SH3RF2: variants seen among roughly 807,000 people sequenced by gnomAD.
SH3RF2 encodes SH3 domain containing ring finger 2, also known as E3 ubiquitin-protein ligase SH3RF2.
In SH3RF2, 43 loss-of-function variants were observed where a neutral mutation model predicts 59.0. That is an observed-to-expected ratio of 0.73 (90% CI 0.57 to 0.94). SH3RF2 has a LOEUF of 0.94. SH3RF2 is among the 40% of genes least tolerant of loss of function. SH3RF2 has a pLI of 0.00. For synonymous variants in SH3RF2, 391 were observed against 391.5 expected (o/e 1.00, Z 0.01); for missense variants, 930 against 940.1 (o/e 0.99, Z 0.14).
At chr5:145,960,617 C>G (rs897923424) in intron 2 of SH3RF2, among the ~76,000 whole-genome samples, 3 of 152,150 alleles carry the variant, frequency 2.0e-5, no homozygotes, top group African/African-American at 7.2e-5. Flanking sequence ...TATTTCTTCC[C>G]TGAACTTTTG....
intron 9 of SH3RF2, among the ~76,000 whole-genome samples, chr5:146,068,362 A>T (rs778364416): frequency 1.3e-5 from 2 of 152,224 alleles, no homozygotes; most frequent in Non-Finnish European, 2.9e-5. Flanking sequence ...AAGTCTCTCC[A>T]GCTGGGACCA....
chr5:145,937,756 A>G (rs1330025284), intron 1 of SH3RF2, 67 bp from the exon 2 acceptor site: 8 of 722,024 alleles, frequency 1.1e-5, no homozygotes, highest in African/African-American at 7.1e-5. Flanking sequence ...CACTGCCTCA[A>G]TGTAGGTGGG....
intron 2 of SH3RF2, among the ~76,000 whole-genome samples, chr5:145,977,665 C>T (rs1759346694): frequency 1.3e-5 from 2 of 152,216 alleles, no homozygotes; most frequent in Admixed American, 1.3e-4. Context: ...TTACTATCAG[C>T]TTGCTGAGAT....
At chr5:145,992,472 A>AT (rs1759977053) in intron 2 of SH3RF2, among the ~76,000 whole-genome samples, 2 of 152,218 alleles carry the variant, frequency 1.3e-5, no homozygotes, top group African/African-American at 4.8e-5. Context: ...CAACTTTTAA[A>AT]TTTTTTGTAT....
intron 2 of SH3RF2, chr5:145,997,527 C>T (rs767304068): frequency 1.1e-5 from 18 of 1,605,576 alleles, no homozygotes; most frequent in Middle Eastern, 1.8e-4. Flanking sequence ...GAATCCTCCT[C>T]GAGATTTTCT....
chr5:145,991,088 A>G (rs1687695658), intron 2 of SH3RF2, among the ~76,000 whole-genome samples: 1 of 152,194 alleles, frequency 6.6e-6, no homozygotes, highest in African/African-American at 2.4e-5. Flanking sequence ...TGATTACAAA[A>G]CAGAGCCCCA....
At position 146,059,860 on chromosome 5, in the gene SH3RF2, C is replaced by T; in HGVS notation, c.1556-6C>T. On this transcript the variant is annotated splice_region_variant and splice_polypyrimidine_tract_variant and intron_variant, in intron 8 of 9. Transcript: ENST00000359120. Reference sequence around the variant, plus strand: ...CTGCTGATCTCTCTGTCCTATAATTCCCCAGATGGATCCCTGCAGAGACCC... The same window carrying T: ...CTGCTGATCTCTCTGTCCTATAATTTCCCAGATGGATCCCTGCAGAGACCC... 1.4e-6 allele frequency: 2 copies of T among 1,454,836 alleles called. No homozygotes were observed. Among genetic ancestry groups the T allele is most frequent in the Non-Finnish European group, 1.8e-6 (2 of 1,101,450 alleles). The allele number at this position is 1,454,836 out of a possible 1,614,324, so 90.1% of individuals were successfully genotyped here.
downstream of SH3RF2, among the ~76,000 whole-genome samples, chr5:146,065,482 C>G (rs1401556089): frequency 6.6e-6 from 1 of 152,130 alleles, no homozygotes; most frequent in Non-Finnish European, 1.5e-5. Context: ...GGCAATGTAT[C>G]CAGTTAATTT....
At chr5:146,047,623 A>C (rs1478649768) in intron 5 of SH3RF2, 149 bp from the exon 6 acceptor site, 3 of 700,870 alleles carry the variant, frequency 4.3e-6, no homozygotes, top group Non-Finnish European at 7.1e-6. Flanking sequence ...CACAGCCACA[A>C]ACCACAGAGA....
chr5:146,080,020 T>C (rs1763398671), exon 10 of SH3RF2: 1 of 152,238 alleles, frequency 6.6e-6, no homozygotes, highest in Admixed American at 6.5e-5. Context: ...GAGGGTTTCA[T>C]AAGGATTTAG....
chr5:146,028,593 C>A (rs1761626172), intron 5 of SH3RF2, among the ~76,000 whole-genome samples: 1 of 136,154 alleles, frequency 7.3e-6, no homozygotes, highest in African/African-American at 2.4e-5. Context: ...ATGCCTGTAG[C>A]ACCCACCACC....
downstream of SH3RF2, among the ~76,000 whole-genome samples, chr5:146,064,836 G>GAA (rs1380372707): frequency 7.2e-5 from 1 of 13,974 alleles, no homozygotes; most frequent in African/African-American, 7.8e-5. Context: ...AAGAAAGAAA[G>GAA]AAAGAAAGAA....
chr5:146,030,498 C>G (rs1044093456), intron 5 of SH3RF2, among the ~76,000 whole-genome samples: 1 of 152,152 alleles, frequency 6.6e-6, no homozygotes, highest in African/African-American at 2.4e-5. Flanking sequence ...CCAATTGATT[C>G]CCTGTGCCCG....
chr5:146,057,976 C>CTATATATATATATA (rs1491563299), intron 8 of SH3RF2, among the ~76,000 whole-genome samples: 2 of 118,184 alleles, frequency 1.7e-5, no homozygotes, highest in African/African-American at 5.5e-5. Flanking sequence ...CTCTATCTAT[C>CTATATATATATATA]TATCTATCTA....
intron 8 of SH3RF2, among the ~76,000 whole-genome samples, chr5:146,057,740 G>T (rs562436654): frequency 2.8e-3 from 422 of 152,072 alleles, no homozygotes; most frequent in African/African-American, 9.7e-3. Flanking sequence ...AGGAGTTCAA[G>T]ACCAGCCTGG....
intron 2 of SH3RF2, among the ~76,000 whole-genome samples, chr5:145,958,201 G>A (rs1426638994): frequency 6.6e-6 from 1 of 152,102 alleles, no homozygotes; most frequent in African/African-American, 2.4e-5. Context: ...TAGAACTCTT[G>A]GAGCCTCAGT....
At chr5:146,051,291 C>T (rs1762487416) in intron 7 of SH3RF2, among the ~76,000 whole-genome samples, 1 of 152,164 alleles carries the variant, frequency 6.6e-6, no homozygotes, top group Middle Eastern at 3.2e-3. Context: ...AAGGGTTTAG[C>T]TTTAAGCCTG....
chr5:145,964,312 CTT>C (rs750453314), intron 2 of SH3RF2, among the ~76,000 whole-genome samples: 6 of 111,170 alleles, frequency 5.4e-5, no homozygotes, highest in African/African-American at 1.1e-4. Context: ...TCCTTTCTTT[CTT>C]TTTTTTTTTT....
Position 146,000,247 on chromosome 5 carries a change from C to G in SH3RF2, c.568C>G (p.Pro190Ala), listed in dbSNP as rs1760352166. 1.2e-6 allele frequency: 2 copies of G among 1,614,024 alleles called. No individual in the cohort carries two copies. The highest frequency in any genetic ancestry group is 1.7e-6 in the Non-Finnish European group (2 of 1,179,990). The change falls in exon 3 of 10, where the codon CCG becomes GCG. Residue 190 changes from proline (P) to alanine (A), a missense_variant. By Grantham distance (27) the Pro-to-Ala change is conservative. Coordinates refer to ENST00000359120, the MANE Select transcript of SH3RF2 (RefSeq NM_152550.4). ...EVIKQLPQPP[P>A]LCRALYNFDL... is the part of the protein sequence containing the mutation. ...CATCAAGCAGCTGCCCCAGCCGCCCCCGCTCTGCAGGGCCCTCTACAACTT... is the reference window on the plus strand; with the variant it reads ...CATCAAGCAGCTGCCCCAGCCGCCCGCGCTCTGCAGGGCCCTCTACAACTT...
Sources: gnomAD v4.1 joint callset for allele counts (sites outside exome capture counted in the v4.1 genomes callset) on GRCh38, gnomAD v4.1.1 for gene constraint, MANE v1.5 for transcripts, NCBI Gene and HGNC (gene_info 2026-07-23, HGNC 2026-07-21) for gene names.